EZR: variants seen among roughly 807,000 people sequenced by gnomAD.
EZR encodes cytovillin 2.
In EZR, 40 loss-of-function variants were observed where a neutral mutation model predicts 74.8. The observed-to-expected ratio is 0.53, with a 90% CI of 0.42 to 0.70. The LOEUF is 0.70. EZR is among the 30% of genes least tolerant of loss of function. The pLI is 0.00. For synonymous variants in EZR, 341 were observed against 283.3 expected, an observed-to-expected ratio of 1.20 and a Z score of -2.05; for missense variants, 678 against 755.8, an observed-to-expected ratio of 0.90 and a Z score of 1.21.
intron 12 of EZR, 91 bp downstream of exon 12, chr6:158,769,235 C>T (rs1412337428): frequency 4.5e-6 from 5 of 1,115,728 alleles, no homozygotes; most frequent in Admixed American, 1.9e-5. Flanking sequence ...AGACCTCTCC[C>T]CCAACCCACC....
chr6:158,770,006 T>C (rs2128565074), intron 10 of EZR, 62 bp from the exon 11 acceptor site: 1 of 1,582,764 alleles, frequency 6.3e-7, no homozygotes, highest in African/African-American at 1.3e-5. Context: ...GAGCCCTCGC[T>C]TTCCATTCCC....
chr6:158,800,717 G>A (rs548301373), intron 2 of EZR, among the ~76,000 whole-genome samples: 3 of 152,070 alleles, frequency 2.0e-5, no homozygotes, highest in South Asian at 4.2e-4. Flanking sequence ...CAGGACAATC[G>A]CTTGAACCTG....
chr6:158,780,105 C>T (rs1021827148), intron 7 of EZR, among the ~76,000 whole-genome samples: 1 of 151,396 alleles, frequency 6.6e-6, no homozygotes, highest in Non-Finnish European at 1.5e-5. Context: ...ACCGCTTGAA[C>T]CCAGGAGGCA....
At chr6:158,812,834 G>C (rs1005810279) in intron 2 of EZR, among the ~76,000 whole-genome samples, 1 of 151,970 alleles carries the variant, frequency 6.6e-6, no homozygotes, top group African/African-American at 2.4e-5. Context: ...AGTCAGCCTC[G>C]ACACCACCCT....
At chr6:158,802,252 A>G (rs769044897) in intron 2 of EZR, among the ~76,000 whole-genome samples, 1 of 152,344 alleles carries the variant, frequency 6.6e-6, no homozygotes, top group Admixed American at 6.5e-5. Flanking sequence ...AAAACCAAGT[A>G]GCTGTAGCTA....
At position 158,806,324 on chromosome 6, in the gene EZR, C is replaced by CT. The variant is rs1777338090; in HGVS notation, c.12+11757dup. Among the ~76,000 whole-genome samples, 3 of 152,360 alleles carry CT rather than the reference C, an allele frequency of 2.0e-5. No individual in the cohort carries two copies. The East Asian group carries it at 5.8e-4, about 29-fold the overall frequency. ...CATGACGAGCAAAAGTAAAGCATCTCTCCCTTTCTACCCTATAACATGCTT... is the reference window on the plus strand; with the variant it reads ...CATGACGAGCAAAAGTAAAGCATCTCTTCCCTTTCTACCCTATAACATGCTT... On this transcript the variant is annotated intron_variant, in intron 2 of 13. Coordinates refer to ENST00000367075, the MANE Select transcript of EZR (RefSeq NM_001111077.2).
intron 7 of EZR, among the ~76,000 whole-genome samples, chr6:158,779,476 C>T (rs77948770): frequency 0.023 from 3,488 of 152,208 alleles, 64 homozygotes; most frequent in Non-Finnish European, 0.033. Flanking sequence ...ACTACGGTTA[C>T]ATAAGGTGTT....
chr6:158,771,121 G>GGT lies in EZR; in HGVS notation c.959+121_959+122dup, dbSNP rs1271735443. 3 of 1,415,852 alleles carry GGT rather than the reference G, an allele frequency of 2.1e-6. No individual in the cohort carries two copies. The African/African-American group carries it at 4.3e-5, about 20-fold the overall frequency. The allele number at this position is 1,415,852 out of a possible 1,614,324, so 87.7% of individuals were successfully genotyped here. A position where few individuals can be genotyped will look rare whatever the true frequency, so the allele number is the denominator to read the frequency against. On this transcript the variant is annotated intron_variant, in intron 9 of 13. Coordinates refer to ENST00000367075, the MANE Select transcript of EZR (RefSeq NM_001111077.2). ...ACAAAGGCCTCGAAGATCCCAGCGTGGTGACTGGGTTCCATTCCACCACAC... is the reference window on the plus strand; with the variant it reads ...ACAAAGGCCTCGAAGATCCCAGCGTGGTGTGACTGGGTTCCATTCCACCACAC...
chr6:158,778,164 C>G (rs938039200), intron 7 of EZR, among the ~76,000 whole-genome samples: 1 of 152,198 alleles, frequency 6.6e-6, no homozygotes, highest in Non-Finnish European at 1.5e-5. Flanking sequence ...AACAGAGAAG[C>G]TAGGATCCAA....
chr6:158,785,183 A>G (rs1791540892), intron 5 of EZR, 126 bp downstream of exon 5: 3 of 1,181,074 alleles, frequency 2.5e-6, no homozygotes, highest in African/African-American at 1.5e-5. Flanking sequence ...CTTAATGACT[A>G]GCATGAAGGA....
At chr6:158,809,346 A>G (rs1327590573) in intron 2 of EZR, among the ~76,000 whole-genome samples, 2 of 152,244 alleles carry the variant, frequency 1.3e-5, no homozygotes, top group African/African-American at 4.8e-5. Flanking sequence ...TAAACTATCA[A>G]TGAGGAAAAA....
Position 158,769,812 on chromosome 6 carries a change from A to G in EZR, c.1223T>C (p.Val408Ala), listed in dbSNP as rs74524317. The G allele has an allele frequency of 6.2e-7, 1 of 1,613,898 alleles. No homozygotes were observed. The change falls in exon 11 of 14, where the codon GTG (valine) becomes GCG (alanine). Residue 408 changes from valine (V) to alanine (A), a missense_variant. Coordinates refer to ENST00000367075, the MANE Select transcript of EZR (RefSeq NM_001111077.2). ...RAKEELERQA[V>A]DQIKSQEQLA... ...CTGCTCCTGGCTCTTTATCTGATCCACCGCCTGTCTCTCCAGCTCCTCCTT... is the reference window on the plus strand; with the variant it reads ...CTGCTCCTGGCTCTTTATCTGATCCGCCGCCTGTCTCTCCAGCTCCTCCTT...
intron 2 of EZR, among the ~76,000 whole-genome samples, chr6:158,794,088 C>T (rs1432495303): frequency 6.6e-6 from 1 of 152,190 alleles, no homozygotes; most frequent in East Asian, 1.9e-4. Context: ...ACCGGCCTGG[C>T]CAACACAGTG....
At chr6:158,774,226 A>T (rs935042463) in intron 8 of EZR, among the ~76,000 whole-genome samples, 1 of 152,174 alleles carries the variant, frequency 6.6e-6, no homozygotes, top group Admixed American at 6.6e-5. Context: ...TGCCTCGAGC[A>T]GCCCTGGGGT....
At chr6:158,812,006 GA>G (rs1272313935) in intron 2 of EZR, among the ~76,000 whole-genome samples, 2 of 151,688 alleles carry the variant, frequency 1.3e-5, no homozygotes, top group Admixed American at 1.3e-4. Context: ...TTTTCTCTTT[GA>G]AAACAAAGAG....
chr6:158,784,764 G>C, intron 5 of EZR, 37 bp from the exon 6 acceptor site: 1 of 1,592,134 alleles, frequency 6.3e-7, no homozygotes, highest in Non-Finnish European at 8.6e-7. Context: ...TCATCCTTAA[G>C]GAATGTGACA....
chr6:158,768,911 G>A (rs557222011), intron 12 of EZR, among the ~76,000 whole-genome samples: 9 of 152,318 alleles, frequency 5.9e-5, no homozygotes, highest in African/African-American at 4.8e-5. Context: ...CATGGTGCCC[G>A]CTGTATATAC....
At chr6:158,796,008 G>T (rs1777062339) in intron 2 of EZR, among the ~76,000 whole-genome samples, 1 of 152,220 alleles carries the variant, frequency 6.6e-6, no homozygotes, top group African/African-American at 2.4e-5. Context: ...AAAGCCCACA[G>T]GCCAGGTGTG....
chr6:158,815,089 G>A (rs1246197611), intron 2 of EZR, among the ~76,000 whole-genome samples: 1 of 152,152 alleles, frequency 6.6e-6, no homozygotes. Flanking sequence ...TAAACATTAA[G>A]CCCAAGAAAA....
Sources: allele counts gnomAD v4.1 joint callset (sites outside exome capture counted in the v4.1 genomes callset), GRCh38; gene constraint gnomAD v4.1.1; transcripts MANE v1.5; gene names NCBI Gene and HGNC (gene_info 2026-07-23, HGNC 2026-07-21).